SPMIP11: variants seen among roughly 807,000 people sequenced by gnomAD.
SPMIP11 encodes the protein sperm microtubule inner protein 11, also known as long intergenic non-protein coding RNA 935.
the SPMIP11 span, among the ~76,000 whole-genome samples, chr12:48,759,806 G>GA: frequency 3.8e-4 from 57 of 150,750 alleles, no homozygotes; most frequent in African/African-American, 1.1e-3. Context: ...ATGATAAAAT[G>GA]AAAAAAAAAA....
the SPMIP11 span, among the ~76,000 whole-genome samples, chr12:48,757,872 T>C: frequency 3.3e-5 from 5 of 151,644 alleles, no homozygotes; most frequent in Non-Finnish European, 7.4e-5. Flanking sequence ...CACACGCTGG[T>C]AATCCCAGCT....
At chr12:48,764,780 G>T in the SPMIP11 span, 1 of 673,248 alleles carries the variant, frequency 1.5e-6, no homozygotes, top group Admixed American at 2.1e-5. Context: ...GGCTATTGCT[G>T]CCCTGAGGCA....
chr12:48,749,350 T>C, the SPMIP11 span, among the ~76,000 whole-genome samples: 1 of 151,796 alleles, frequency 6.6e-6, no homozygotes, highest in Non-Finnish European at 1.5e-5. Context: ...CTGTTTTGGC[T>C]GGGCGCGGTG....
chr12:48,750,076 G>A, the SPMIP11 span, among the ~76,000 whole-genome samples: 1 of 151,796 alleles, frequency 6.6e-6, no homozygotes, highest in Non-Finnish European at 1.5e-5. Flanking sequence ...TTCAGGCTGG[G>A]TGCAGTGGCC....
chr12:48,761,614 A>T, the SPMIP11 span, among the ~76,000 whole-genome samples: 1 of 144,926 alleles, frequency 6.9e-6, no homozygotes, highest in East Asian at 2.0e-4. Flanking sequence ...CCTGTCTTTA[A>T]AAAAAAAAAA....
the SPMIP11 span, among the ~76,000 whole-genome samples, chr12:48,759,612 G>A: frequency 2.4e-4 from 36 of 151,118 alleles, no homozygotes; most frequent in Admixed American, 1.3e-3. Context: ...TGGAGGTTGC[G>A]TGAGCCAAGA....
chr12:48,749,895 GT>G, the SPMIP11 span, among the ~76,000 whole-genome samples: 2 of 151,372 alleles, frequency 1.3e-5, no homozygotes, highest in African/African-American at 2.4e-5. Context: ...GTTTCACCGT[GT>G]TAGCCAGGAT....
the SPMIP11 span, among the ~76,000 whole-genome samples, chr12:48,752,611 C>T: frequency 6.6e-6 from 1 of 152,008 alleles, no homozygotes; most frequent in South Asian, 2.1e-4. Context: ...CTGTATCAGT[C>T]CTTTCCTTTG....
the SPMIP11 span, among the ~76,000 whole-genome samples, chr12:48,741,209 G>T: frequency 6.6e-6 from 1 of 151,598 alleles, no homozygotes; most frequent in East Asian, 1.9e-4. Flanking sequence ...GTGCCACCAG[G>T]CCTGGCTAAT....
the SPMIP11 span, among the ~76,000 whole-genome samples, chr12:48,743,575 G>A: frequency 6.6e-6 from 1 of 152,110 alleles, no homozygotes; most frequent in African/African-American, 2.4e-5. Context: ...GGGAGGCCAA[G>A]GCGGGCAGAT....
At chr12:48,751,213 A>G in the SPMIP11 span, among the ~76,000 whole-genome samples, 1 of 152,214 alleles carries the variant, frequency 6.6e-6, no homozygotes, top group Non-Finnish European at 1.5e-5. Flanking sequence ...ACATTCTGCC[A>G]GTCCCTGCCT....
the SPMIP11 span, among the ~76,000 whole-genome samples, chr12:48,756,477 A>G: frequency 6.6e-6 from 1 of 152,330 alleles, no homozygotes; most frequent in African/African-American, 2.4e-5. Context: ...TTTAATTGGA[A>G]GGCAAACGAG....
chr12:48,746,360 CTTT>C, the SPMIP11 span, among the ~76,000 whole-genome samples: 3 of 101,190 alleles, frequency 3.0e-5, no homozygotes, highest in African/African-American at 3.7e-5. Context: ...ACTATAATTC[CTTT>C]TTTTTTTTTT....
chr12:48,755,663 G>T, the SPMIP11 span, among the ~76,000 whole-genome samples: 1 of 152,048 alleles, frequency 6.6e-6, no homozygotes, highest in Non-Finnish European at 1.5e-5. Flanking sequence ...ACACCTCCAA[G>T]CACACACTGA....
At chr12:48,757,376 A>C in the SPMIP11 span, among the ~76,000 whole-genome samples, 1 of 152,132 alleles carries the variant, frequency 6.6e-6, no homozygotes, top group Non-Finnish European at 1.5e-5. Flanking sequence ...GGCTGGGCGC[A>C]GTGCCTCACC....
At chr12:48,740,779 C>A in the SPMIP11 span, among the ~76,000 whole-genome samples, 4 of 151,822 alleles carry the variant, frequency 2.6e-5, no homozygotes, top group African/African-American at 7.3e-5. Context: ...GCTAGCTACT[C>A]AGGAGAATGA....
the SPMIP11 span, chr12:48,765,587 T>A: frequency 2.8e-6 from 2 of 702,956 alleles, no homozygotes; most frequent in South Asian, 1.5e-5. Flanking sequence ...TGAATCTCTC[T>A]CTGAATCTCT....
At chr12:48,736,183 T>C in the SPMIP11 span, 1 of 400,428 alleles carries the variant, frequency 2.5e-6, no homozygotes, top group Non-Finnish European at 4.9e-6. Context: ...GTGAGTGGAT[T>C]CCTTGAGCCC....
the SPMIP11 span, chr12:48,769,170 G>A: frequency 3.3e-6 from 4 of 1,207,958 alleles, no homozygotes; most frequent in Non-Finnish European, 4.5e-6. Context: ...AATGGAAAAA[G>A]GACAAGTCTC....
Sources: allele counts gnomAD v4.1 joint callset (sites outside exome capture counted in the v4.1 genomes callset), GRCh38; gene constraint gnomAD v4.1.1; transcripts MANE v1.5; gene names NCBI Gene and HGNC (gene_info 2026-07-23, HGNC 2026-07-21).